POFUT3: variants seen among roughly 807,000 people sequenced by gnomAD.
POFUT3 encodes GDP-fucose protein O-fucosyltransferase 3.
the POFUT3 span, among the ~76,000 whole-genome samples, chr8:33,324,605 A>C: frequency 6.6e-6 from 1 of 152,292 alleles, no homozygotes; most frequent in East Asian, 1.9e-4. Context: ...GTATCTATTC[A>C]TAAGGGTGTG....
At chr8:33,344,115 G>A in the POFUT3 span, among the ~76,000 whole-genome samples, 1 of 152,276 alleles carries the variant, frequency 6.6e-6, no homozygotes, top group African/African-American at 2.4e-5. Flanking sequence ...ATGAATAAAT[G>A]GAGTAAAATT....
chr8:33,345,547 C>T, the POFUT3 span, among the ~76,000 whole-genome samples: 2 of 151,658 alleles, frequency 1.3e-5, no homozygotes, highest in African/African-American at 4.8e-5. Flanking sequence ...ATTATAGGCG[C>T]CTGCCACCAC....
At chr8:33,378,993 T>C in the POFUT3 span, among the ~76,000 whole-genome samples, 2 of 152,104 alleles carry the variant, frequency 1.3e-5, no homozygotes, top group Non-Finnish European at 1.5e-5. Flanking sequence ...GATTGGATCA[T>C]GGGGGTGATC....
chr8:33,403,100 T>TA, the POFUT3 span, among the ~76,000 whole-genome samples: 2 of 151,818 alleles, frequency 1.3e-5, no homozygotes, highest in Non-Finnish European at 2.9e-5. Flanking sequence ...TTACTAATAA[T>TA]ATATACTCAA....
the POFUT3 span, among the ~76,000 whole-genome samples, chr8:33,451,476 G>A: frequency 0.7 from 105,481 of 151,442 alleles, 37,774 homozygotes; most frequent in African/African-American, 0.87. Flanking sequence ...ATATGTGTGT[G>A]TATATGCATA....
At chr8:33,428,357 T>G in the POFUT3 span, among the ~76,000 whole-genome samples, 1 of 152,160 alleles carries the variant, frequency 6.6e-6, no homozygotes, top group East Asian at 1.9e-4. Flanking sequence ...CTAAAGAAAT[T>G]TTTTAAATCC....
the POFUT3 span, among the ~76,000 whole-genome samples, chr8:33,325,755 T>A: frequency 6.6e-6 from 1 of 152,190 alleles, no homozygotes; most frequent in Admixed American, 6.5e-5. Flanking sequence ...GATGAGAATC[T>A]CCTTACATGG....
chr8:33,417,002 AC>A, the POFUT3 span, among the ~76,000 whole-genome samples: 1 of 152,190 alleles, frequency 6.6e-6, no homozygotes, highest in Non-Finnish European at 1.5e-5. Flanking sequence ...CCTGTTAGGA[AC>A]CCAGACAGAC....
the POFUT3 span, among the ~76,000 whole-genome samples, chr8:33,429,547 A>C: frequency 2.0e-5 from 3 of 152,320 alleles, no homozygotes; most frequent in East Asian, 5.8e-4. Context: ...TACTTTCTAT[A>C]ATTCATGGCA....
the POFUT3 span, among the ~76,000 whole-genome samples, chr8:33,331,202 C>CCT: frequency 2.6e-5 from 4 of 151,530 alleles, no homozygotes; most frequent in African/African-American, 9.7e-5. Flanking sequence ...ATTAACCGGG[C>CCT]GCGCGCCTGT....
the POFUT3 span, among the ~76,000 whole-genome samples, chr8:33,391,035 A>G: frequency 4.0e-4 from 61 of 152,356 alleles, no homozygotes; most frequent in African/African-American, 1.3e-3. Context: ...TTTTTTTAAA[A>G]TAAATATAAG....
chr8:33,405,413 G>C, the POFUT3 span, among the ~76,000 whole-genome samples: 7 of 151,880 alleles, frequency 4.6e-5, no homozygotes, highest in Non-Finnish European at 1.5e-5. Flanking sequence ...TACGATGGTA[G>C]ACTAGTAAGT....
chr8:33,458,950 G>T, the POFUT3 span, among the ~76,000 whole-genome samples: 1 of 152,154 alleles, frequency 6.6e-6, no homozygotes, highest in Non-Finnish European at 1.5e-5. Flanking sequence ...ATCCTACACA[G>T]AAGGGAGATC....
At chr8:33,335,698 G>A in the POFUT3 span, among the ~76,000 whole-genome samples, 1 of 152,058 alleles carries the variant, frequency 6.6e-6, no homozygotes, top group Admixed American at 6.6e-5. Flanking sequence ...AACATAAACA[G>A]CCAATTCACA....
At chr8:33,346,421 A>C in the POFUT3 span, among the ~76,000 whole-genome samples, 1 of 152,298 alleles carries the variant, frequency 6.6e-6, no homozygotes, top group East Asian at 1.9e-4. Flanking sequence ...ATAACATGAA[A>C]AATATACCAG....
chr8:33,406,331 C>T, the POFUT3 span, among the ~76,000 whole-genome samples: 2 of 152,024 alleles, frequency 1.3e-5, no homozygotes, highest in African/African-American at 2.4e-5. Flanking sequence ...AGGCTGAATT[C>T]AATTGTACAT....
At chr8:33,379,495 T>C in the POFUT3 span, among the ~76,000 whole-genome samples, 676 of 152,124 alleles carry the variant, frequency 4.4e-3, 10 homozygotes, top group African/African-American at 0.015. Context: ...ATGACTCAGA[T>C]GTTGGAACTA....
chr8:33,372,723 G>C, the POFUT3 span: 1 of 1,614,048 alleles, frequency 6.2e-7, no homozygotes, highest in South Asian at 1.1e-5. Flanking sequence ...GGTGGAGTCC[G>C]GAGTGGTGAG....
the POFUT3 span, among the ~76,000 whole-genome samples, chr8:33,466,320 C>G: frequency 6.6e-6 from 1 of 151,876 alleles, no homozygotes; most frequent in Admixed American, 6.6e-5. Flanking sequence ...TCCCAGCTAC[C>G]TGGAAGGCTA....
Sources: gnomAD v4.1 joint callset for allele counts (sites outside exome capture counted in the v4.1 genomes callset) on GRCh38, gnomAD v4.1.1 for gene constraint, MANE v1.5 for transcripts, NCBI Gene and HGNC (gene_info 2026-07-23, HGNC 2026-07-21) for gene names.